SUSD4: variants seen among roughly 807,000 people sequenced by gnomAD.
The protein encoded by SUSD4 is sushi domain containing 4.
In SUSD4, 41 loss-of-function variants were observed where a neutral mutation model predicts 50.5. The ratio of observed to expected loss-of-function variants is 0.81; its 90% CI spans 0.63 to 1.05. The LOEUF (loss-of-function observed/expected upper bound fraction) is 1.05. SUSD4 is among the 50% of genes least tolerant of loss of function. The pLI, the probability that SUSD4 is intolerant of heterozygous loss-of-function variation, is 0.00. For missense variants in SUSD4, 580 were observed against 634.7 expected, an observed-to-expected ratio of 0.91 and a Z score of 0.93; for synonymous variants, 257 against 257.3, an observed-to-expected ratio of 1.00 and a Z score of 0.01.
At chr1:223,281,809 C>G (rs1663757997) in intron 3 of SUSD4, among the ~76,000 whole-genome samples, 1 of 152,208 alleles carries the variant, frequency 6.6e-6, no homozygotes, top group Non-Finnish European at 1.5e-5. Context: ...AGACCAATAT[C>G]CCTGATAAAC....
At chr1:223,338,550 C>CTGTG (rs1667580871) in intron 2 of SUSD4, among the ~76,000 whole-genome samples, 1 of 152,186 alleles carries the variant, frequency 6.6e-6, no homozygotes, top group Non-Finnish European at 1.5e-5. Context: ...CAACTCTGTT[C>CTGTG]ACCACAAGGA....
intron 2 of SUSD4, among the ~76,000 whole-genome samples, chr1:223,312,138 T>G (rs968196237): frequency 6.6e-6 from 1 of 152,280 alleles, no homozygotes; most frequent in African/African-American, 2.4e-5. Context: ...AAAAAACATA[T>G]GATTCTGGTT....
intron 2 of SUSD4, among the ~76,000 whole-genome samples, chr1:223,294,878 G>A (rs1303047594): frequency 6.6e-6 from 1 of 152,118 alleles, no homozygotes; most frequent in East Asian, 1.9e-4. Flanking sequence ...TTTTAATTTG[G>A]GGGAAAGTAT....
At chr1:223,296,543 C>A (rs1162509070) in intron 2 of SUSD4, among the ~76,000 whole-genome samples, 1 of 152,130 alleles carries the variant, frequency 6.6e-6, no homozygotes, top group African/African-American at 2.4e-5. Context: ...GGTGGGCATG[C>A]CCTCCTGGAA....
intron 5 of SUSD4, among the ~76,000 whole-genome samples, chr1:223,241,641 A>G (rs947465433): frequency 6.6e-6 from 1 of 152,204 alleles, no homozygotes; most frequent in African/African-American, 2.4e-5. Flanking sequence ...AACTCCTTAC[A>G]CGCAGAACCA....
chr1:223,260,434 T>C (rs1662025164), intron 5 of SUSD4, among the ~76,000 whole-genome samples: 1 of 152,200 alleles, frequency 6.6e-6, no homozygotes, highest in Admixed American at 6.5e-5. Context: ...AAAGATTTCT[T>C]GCATTCAATG....
Position 223,292,450 on chromosome 1 carries a change from C to G in SUSD4, c.350G>C (p.Cys117Ser). The change falls in exon 3 of 9, where the codon TGT (cysteine) becomes TCT (serine). Residue 117 changes from cysteine (C) to serine (S), a missense_variant. By Grantham distance (112) the Cys-to-Ser change is moderately radical. Transcript: ENST00000366878. The part of the protein sequence containing the change: ...LGWIPSDNSI[C>S]VQEDCRIPQI... ...AGTAAGCACTTTACCTTCTTGCACA[C>G]AGATGGAATTATCACTTGGGATCCA... is the stretch of plus-strand genomic sequence containing the variant. 1 of 1,614,134 alleles carries G rather than the reference C, an allele frequency of 6.2e-7. No individual in the cohort carries two copies. The highest frequency in any genetic ancestry group is 1.6e-4 in the Middle Eastern group (1 of 6,062).
chr1:223,226,885 ACTTCTCC>A (rs1316596755), intron 7 of SUSD4, among the ~76,000 whole-genome samples: 3 of 152,050 alleles, frequency 2.0e-5, no homozygotes. Context: ...TGTCTAAACT[ACTTCTCC>A]CTCCAGGAAC....
chr1:223,350,113 A>G (rs1336929297), intron 2 of SUSD4, among the ~76,000 whole-genome samples: 1 of 152,174 alleles, frequency 6.6e-6, no homozygotes, highest in Admixed American at 6.5e-5. Flanking sequence ...CCGTGCTGGC[A>G]CCTTGATCAT....
intron 2 of SUSD4, among the ~76,000 whole-genome samples, chr1:223,304,474 CAGAAA>C (rs1045615817): frequency 1.5e-4 from 23 of 151,914 alleles, no homozygotes; most frequent in Admixed American, 3.3e-4. Context: ...TGAAGTGGAA[CAGAAA>C]AGAAAAGTCC....
intron 3 of SUSD4, among the ~76,000 whole-genome samples, chr1:223,289,646 C>T (rs1006689458): frequency 6.6e-6 from 1 of 152,190 alleles, no homozygotes; most frequent in African/African-American, 2.4e-5. Flanking sequence ...CCGGGGGCTG[C>T]AACAGGTCTT....
chr1:223,252,450 C>T (rs539128215), intron 5 of SUSD4, among the ~76,000 whole-genome samples: 66 of 151,834 alleles, frequency 4.3e-4, no homozygotes, highest in African/African-American at 1.6e-3. Context: ...TCCCCCACAG[C>T]TAACTCCAAG....
At chr1:223,250,488 T>A (rs2103040634) in intron 5 of SUSD4, among the ~76,000 whole-genome samples, 1 of 152,336 alleles carries the variant, frequency 6.6e-6, no homozygotes, top group East Asian at 1.9e-4. Context: ...TGAAGTTATT[T>A]GCCCAAGGTC....
chr1:223,346,576 C>A (rs2103314866), intron 2 of SUSD4, among the ~76,000 whole-genome samples: 1 of 152,246 alleles, frequency 6.6e-6, no homozygotes, highest in East Asian at 1.9e-4. Context: ...GGCTCCAGGG[C>A]CAGATGGCTT....
chr1:223,275,935 C>T (rs1363754502), intron 3 of SUSD4, among the ~76,000 whole-genome samples: 1 of 152,198 alleles, frequency 6.6e-6, no homozygotes, highest in African/African-American at 2.4e-5. Context: ...CCAAGGCACA[C>T]CGAGGCCTCA....
chr1:223,318,850 A>G (rs1666396084), intron 2 of SUSD4, among the ~76,000 whole-genome samples: 2 of 108,252 alleles, frequency 1.8e-5, no homozygotes, highest in East Asian at 5.1e-4. Flanking sequence ...CGCCAAGTCA[A>G]TCCTAAGCCA....
At chr1:223,256,003 G>A (rs753882763) in intron 5 of SUSD4, among the ~76,000 whole-genome samples, 5 of 152,164 alleles carry the variant, frequency 3.3e-5, no homozygotes, top group African/African-American at 4.8e-5. Flanking sequence ...AATAGCAGTG[G>A]CCACTTGGCA....
At chr1:223,285,789 A>G (rs183057457) in intron 3 of SUSD4, among the ~76,000 whole-genome samples, 4 of 152,348 alleles carry the variant, frequency 2.6e-5, no homozygotes, top group Non-Finnish European at 4.4e-5. Flanking sequence ...GAGCTAAGCA[A>G]TGATAACATG....
chr1:223,235,131 TAAG>T, intron 5 of SUSD4: 1 of 1,566,918 alleles, frequency 6.4e-7, no homozygotes, highest in Non-Finnish European at 8.6e-7. Context: ...TATGAAAACA[TAAG>T]AAGACTATTT....
Sources: gnomAD v4.1 joint callset for allele counts (sites outside exome capture counted in the v4.1 genomes callset) on GRCh38, gnomAD v4.1.1 for gene constraint, MANE v1.5 for transcripts, NCBI Gene and HGNC (gene_info 2026-07-23, HGNC 2026-07-21) for gene names.